PPARGC1A: variants seen among roughly 807,000 people sequenced by gnomAD.
PPARGC1A encodes the protein peroxisome proliferator-activated receptor gamma coactivator 1-alpha.
PPARGC1A carries 25 observed loss-of-function variants against 88.7 expected under a neutral mutation model. The ratio of observed to expected loss-of-function variants is 0.28; its 90% CI spans 0.21 to 0.39. The LOEUF (loss-of-function observed/expected upper bound fraction) is 0.39. Among genes scored for constraint, PPARGC1A ranks in the 10% least tolerant of loss-of-function variants. PPARGC1A has a pLI of 1.00. For missense variants in PPARGC1A, 880 were observed against 968.7 expected, an observed-to-expected ratio of 0.91 and a Z score of 1.22; for synonymous variants, 363 against 355.6, an observed-to-expected ratio of 1.02 and a Z score of -0.24.
chr4:23,857,527 G>C (rs1730414885), intron 2 of PPARGC1A, among the ~76,000 whole-genome samples: 1 of 151,770 alleles, frequency 6.6e-6, no homozygotes, highest in Admixed American at 6.6e-5. Flanking sequence ...CTGGGTGGTA[G>C]AATTCCCACT....
At chr4:23,868,760 G>C (rs1221857602) in intron 2 of PPARGC1A, among the ~76,000 whole-genome samples, 1 of 152,184 alleles carries the variant, frequency 6.6e-6, no homozygotes, top group African/African-American at 2.4e-5. Flanking sequence ...CCTGGTAAAG[G>C]CTTAATGTAA....
the PPARGC1A span, among the ~76,000 whole-genome samples, chr4:23,976,559 G>T: frequency 6.6e-6 from 1 of 152,192 alleles, no homozygotes; most frequent in East Asian, 1.9e-4. Flanking sequence ...ATACTTATGT[G>T]TTGAAGTCCT....
chr4:23,839,897 G>T (rs1475220424), intron 2 of PPARGC1A, among the ~76,000 whole-genome samples: 1 of 151,934 alleles, frequency 6.6e-6, no homozygotes, highest in Non-Finnish European at 1.5e-5. Context: ...GGAAAGACCC[G>T]CTCTCATAAT....
chr4:24,189,786 A>T, the PPARGC1A span, among the ~76,000 whole-genome samples: 1 of 152,126 alleles, frequency 6.6e-6, no homozygotes, highest in Non-Finnish European at 1.5e-5. Context: ...AGTCGTGGAT[A>T]GCCCTATCTC....
the PPARGC1A span, among the ~76,000 whole-genome samples, chr4:24,430,582 C>A: frequency 6.6e-6 from 1 of 152,056 alleles, no homozygotes; most frequent in Non-Finnish European, 1.5e-5. Flanking sequence ...CTAAAATGAT[C>A]TCATGAGCAA....
At chr4:23,965,385 G>A in the PPARGC1A span, among the ~76,000 whole-genome samples, 1 of 152,082 alleles carries the variant, frequency 6.6e-6, no homozygotes, top group Non-Finnish European at 1.5e-5. Flanking sequence ...CACAGTGGGG[G>A]TGCTTAATAA....
At chr4:23,990,908 G>A in the PPARGC1A span, among the ~76,000 whole-genome samples, 1 of 151,930 alleles carries the variant, frequency 6.6e-6, no homozygotes, top group Non-Finnish European at 1.5e-5. Context: ...TCACATCTGT[G>A]GCTAAAACTG....
the PPARGC1A span, among the ~76,000 whole-genome samples, chr4:24,422,517 A>G: frequency 1.3e-5 from 2 of 152,162 alleles, no homozygotes; most frequent in East Asian, 3.8e-4. Flanking sequence ...TAAGATTCGG[A>G]ATAAAATCTG....
chr4:24,368,282 C>G, the PPARGC1A span, among the ~76,000 whole-genome samples: 1 of 152,116 alleles, frequency 6.6e-6, no homozygotes, highest in Non-Finnish European at 1.5e-5. Context: ...GGTAAAGGAG[C>G]AATTTTGAAG....
chr4:24,055,161 C>G, the PPARGC1A span, among the ~76,000 whole-genome samples: 2 of 152,236 alleles, frequency 1.3e-5, no homozygotes, highest in Non-Finnish European at 2.9e-5. Flanking sequence ...GCCTCATTTA[C>G]ATGACTTGGG....
At chr4:24,055,452 G>C in the PPARGC1A span, among the ~76,000 whole-genome samples, 1 of 152,100 alleles carries the variant, frequency 6.6e-6, no homozygotes, top group African/African-American at 2.4e-5. Context: ...AGGAAGGAGG[G>C]AGAAACAAAG....
At chr4:24,132,217 A>G in the PPARGC1A span, among the ~76,000 whole-genome samples, 4 of 151,968 alleles carry the variant, frequency 2.6e-5, no homozygotes, top group African/African-American at 9.7e-5. Context: ...ATGGAGCCAA[A>G]TTTATTCCCT....
chr4:24,006,183 G>T, the PPARGC1A span, among the ~76,000 whole-genome samples: 1 of 152,216 alleles, frequency 6.6e-6, no homozygotes, highest in African/African-American at 2.4e-5. Flanking sequence ...TAAGTAGCTG[G>T]GATCATAGGT....
In PPARGC1A at chr4:23,886,253, C is replaced by T. The variant is rs59087968; in HGVS notation, c.55-1322G>A. The stretch of plus-strand genomic sequence containing the variant: ...GCAGTTAGGCATAAAATGAAAGATG[C>T]TCCTTGACATTTACATTTTGAATGA... On this transcript the variant is annotated intron_variant, in intron 1 of 12. Coordinates refer to ENST00000264867, the MANE Select transcript of PPARGC1A (RefSeq NM_013261.5). Among the ~76,000 whole-genome samples the T allele has an allele frequency of 4.1e-3, 617 of 152,276 alleles. 3 individuals carry two copies. The highest frequency in any genetic ancestry group is 0.014 in the African/African-American group (586 of 41,560).
At chr4:24,158,665 C>G in the PPARGC1A span, among the ~76,000 whole-genome samples, 5 of 152,122 alleles carry the variant, frequency 3.3e-5, no homozygotes, top group African/African-American at 1.2e-4. Flanking sequence ...AATAAACAGG[C>G]AGAAGCTGGC....
chr4:24,069,791 A>G, the PPARGC1A span, among the ~76,000 whole-genome samples: 6 of 152,226 alleles, frequency 3.9e-5, no homozygotes, highest in African/African-American at 1.2e-4. Context: ...TCATCCATCC[A>G]GTAGATTCCG....
intron 10 of PPARGC1A, among the ~76,000 whole-genome samples, chr4:23,805,364 A>G (rs1399104095): frequency 6.6e-6 from 1 of 152,230 alleles, no homozygotes; most frequent in Non-Finnish European, 1.5e-5. Context: ...ATCACCTCTG[A>G]AAATCAAAGG....
At chr4:24,199,559 A>G in the PPARGC1A span, among the ~76,000 whole-genome samples, 1 of 152,176 alleles carries the variant, frequency 6.6e-6, no homozygotes, top group African/African-American at 2.4e-5. Context: ...CATTCCTAGT[A>G]AAAGGAATGG....
At chr4:24,469,413 G>A in the PPARGC1A span, among the ~76,000 whole-genome samples, 1 of 152,124 alleles carries the variant, frequency 6.6e-6, no homozygotes, top group Non-Finnish European at 1.5e-5. Context: ...TCACTGCCCC[G>A]GCTGCATTTA....
Sources: allele counts gnomAD v4.1 joint callset (sites outside exome capture counted in the v4.1 genomes callset), GRCh38; gene constraint gnomAD v4.1.1; transcripts MANE v1.5; gene names NCBI Gene and HGNC (gene_info 2026-07-23, HGNC 2026-07-21).